The following PCDH15 variants were observed in gnomAD, a reference collection of about 807,000 sequenced individuals.
PCDH15 encodes the protein protocadherin related 15.
In PCDH15, 129 loss-of-function variants were observed where a neutral mutation model predicts 178.5. The observed-to-expected ratio is 0.72, with a 90% CI of 0.63 to 0.84. The LOEUF (loss-of-function observed/expected upper bound fraction) is 0.84. Among genes scored for constraint, PCDH15 ranks in the 40% least tolerant of loss-of-function variants. The pLI is 0.00. For missense variants in PCDH15, 2,230 were observed against 2,099.9 expected, an observed-to-expected ratio of 1.06 and a Z score of -1.21; for synonymous variants, 800 against 732.0, an observed-to-expected ratio of 1.09 and a Z score of -1.50.
intron 5 of PCDH15, among the ~76,000 whole-genome samples, chr10:54,347,999 C>A (rs1943579871): frequency 6.6e-6 from 1 of 151,982 alleles, no homozygotes; most frequent in Non-Finnish European, 1.5e-5. Flanking sequence ...CAGGCGCCCA[C>A]CACCACGCCC....
chr10:54,094,065 C>T (rs903583607), intron 15 of PCDH15, among the ~76,000 whole-genome samples: 1 of 152,150 alleles, frequency 6.6e-6, no homozygotes, highest in African/African-American at 2.4e-5. Context: ...CTGGAGCCAG[C>T]TACCTGGATT....
chr10:55,553,907 A>G (rs1842043525), intron 2 of PCDH15, among the ~76,000 whole-genome samples: 1 of 151,982 alleles, frequency 6.6e-6, no homozygotes. Context: ...AAATAGACTC[A>G]ATTTGGAAAT....
intron 1 of PCDH15, among the ~76,000 whole-genome samples, chr10:54,665,927 G>T (rs1051482567): frequency 2.6e-5 from 4 of 152,022 alleles, no homozygotes; most frequent in African/African-American, 9.7e-5. Context: ...GCTACTGGTT[G>T]TGTAGAGCAG....
chr10:54,665,638 A>C (rs540796835), intron 1 of PCDH15, among the ~76,000 whole-genome samples: 11 of 152,094 alleles, frequency 7.2e-5, no homozygotes, highest in Admixed American at 6.6e-4. Context: ...TTTTAAACTA[A>C]TGGGATACAC....
At chr10:55,040,730 G>C (rs986541360) in intron 2 of PCDH15, among the ~76,000 whole-genome samples, 1 of 152,000 alleles carries the variant, frequency 6.6e-6, no homozygotes, top group Non-Finnish European at 1.5e-5. Context: ...ATAATATCTT[G>C]AGGTAAAGAA....
intron 2 of PCDH15, among the ~76,000 whole-genome samples, chr10:55,351,058 C>CCCGCTGCTG (rs1844919731): frequency 7.8e-6 from 1 of 128,062 alleles, no homozygotes; most frequent in Non-Finnish European, 1.7e-5. Context: ...CTCCCCTCCC[C>CCCGCTGCTG]CCGCTGCTGC....
chr10:55,121,956 T>G (rs1564815836), intron 2 of PCDH15, among the ~76,000 whole-genome samples: 1 of 152,232 alleles, frequency 6.6e-6, no homozygotes, highest in Middle Eastern at 3.4e-3. Context: ...GGTATTTTGT[T>G]ATAGCAGCAG....
chr10:55,602,643 A>G lies in PCDH15; in HGVS notation c.-156+24982T>C, dbSNP rs527772639. 9.7e-3 allele frequency among the ~76,000 whole-genome samples: 1,469 copies of G among 151,678 alleles called. 7 individuals carry two copies. Among genetic ancestry groups the G allele is most frequent in the Non-Finnish European group, 0.013 (869 of 67,734 alleles). On this transcript the variant is annotated intron_variant, in intron 2 of 5. Coordinates refer to the PCDH15 transcript ENST00000613346. ...GCAGGGGCACACTGACACCTCACACAGCAGGGTACTCCAACAGACCTGCAG... is the reference window on the plus strand; with the variant it reads ...GCAGGGGCACACTGACACCTCACACGGCAGGGTACTCCAACAGACCTGCAG...
At chr10:54,511,381 C>T (rs542887545) in intron 3 of PCDH15, among the ~76,000 whole-genome samples, 1 of 152,256 alleles carries the variant, frequency 6.6e-6, no homozygotes, top group East Asian at 1.9e-4. Context: ...CTGATTCACA[C>T]TAACTTTTCC....
chr10:53,958,626 G>A (rs2087878987), intron 23 of PCDH15, among the ~76,000 whole-genome samples: 1 of 152,044 alleles, frequency 6.6e-6, no homozygotes, highest in Non-Finnish European at 1.5e-5. Context: ...CCCTGAACCT[G>A]ACCATGCAGA....
chr10:54,520,349 A>G (rs1480000792), intron 3 of PCDH15, among the ~76,000 whole-genome samples: 1 of 152,144 alleles, frequency 6.6e-6, no homozygotes, highest in Non-Finnish European at 1.5e-5. Context: ...TCTACAATGA[A>G]CTCAAACAAA....
At chr10:55,281,605 T>C (rs1336670769) in intron 1 of PCDH15, among the ~76,000 whole-genome samples, 1 of 152,144 alleles carries the variant, frequency 6.6e-6, no homozygotes, top group Non-Finnish European at 1.5e-5. Context: ...AAAATTGTAT[T>C]CATCCCAGTG....
At chr10:53,903,458 T>C (rs1451183558) in intron 25 of PCDH15, 88 bp from the exon 26 acceptor site, 81 of 1,490,386 alleles carry the variant, frequency 5.4e-5, no homozygotes, top group Admixed American at 1.2e-4. Flanking sequence ...GCACTTTTTT[T>C]TGGAAACATT....
intron 8 of PCDH15, among the ~76,000 whole-genome samples, chr10:54,242,924 T>C (rs1164439443): frequency 2.0e-5 from 3 of 152,172 alleles, no homozygotes; most frequent in Non-Finnish European, 4.4e-5. Context: ...ATATTCCACT[T>C]ATCATTGCTT....
chr10:55,566,103 G>A (rs756445988), intron 2 of PCDH15, among the ~76,000 whole-genome samples: 14 of 151,400 alleles, frequency 9.2e-5, no homozygotes, highest in African/African-American at 1.2e-4. Flanking sequence ...ATTACAGACC[G>A]CAAGCAAAAG....
At position 53,847,139 on chromosome 10, in the gene PCDH15, G is replaced by A. The variant is rs1019717707; in HGVS notation, c.3807-6643C>T. ...GTCAAACCTACCTCAAAGGTCCTCT[G>A]TGATAGGTTAAGGAGACTACACCCA... On this transcript the variant is annotated intron_variant, in intron 28 of 37. Transcript: ENST00000644397. Among the ~76,000 whole-genome samples the A allele has an allele frequency of 4.6e-5, 7 of 151,944 alleles. No individual in the cohort carries two copies. The East Asian group carries it at 1.2e-3, about 25-fold the overall frequency.
chr10:54,212,101 T>C (rs771160254), intron 10 of PCDH15, among the ~76,000 whole-genome samples: 1 of 152,086 alleles, frequency 6.6e-6, no homozygotes, highest in Non-Finnish European at 1.5e-5. Flanking sequence ...AGGAAAATAA[T>C]TGATTTTTGG....
At chr10:55,405,949 T>C (rs1015511502) in intron 2 of PCDH15, among the ~76,000 whole-genome samples, 13 of 151,822 alleles carry the variant, frequency 8.6e-5, no homozygotes, top group African/African-American at 2.7e-4. Context: ...AAATATTTGA[T>C]TTTAAATCAA....
intron 1 of PCDH15, among the ~76,000 whole-genome samples, chr10:55,183,677 A>AT (rs5785121): frequency 0.98 from 147,167 of 149,946 alleles, 72,249 homozygotes; most frequent in Non-Finnish European, 1. Context: ...ATTAAAACCT[A>AT]TTTTTTTTTT....
Sources: allele counts gnomAD v4.1 joint callset (sites outside exome capture counted in the v4.1 genomes callset), GRCh38; gene constraint gnomAD v4.1.1; transcripts MANE v1.5; gene names NCBI Gene and HGNC (gene_info 2026-07-23, HGNC 2026-07-21).